MYO1E: variants seen among roughly 807,000 people sequenced by gnomAD.
MYO1E encodes myosin IE, also known as unconventional myosin-Ie.
MYO1E carries 68 observed loss-of-function variants against 151.1 expected under a neutral mutation model. That is an observed-to-expected ratio of 0.45 (90% confidence interval 0.37 to 0.55). The LOEUF (loss-of-function observed/expected upper bound fraction) is 0.55, where lower values mean the gene tolerates loss of function less well. Ranked by LOEUF, MYO1E falls within the 20% of genes least tolerant of loss-of-function variation. MYO1E has a pLI of 0.00. For missense variants in MYO1E, 1,363 were observed against 1,389.3 expected (o/e 0.98, Z 0.30); for synonymous variants, 601 against 501.7 (o/e 1.20, Z -2.64).
At chr15:59,180,681 C>A (rs1468973223) in intron 18 of MYO1E, among the ~76,000 whole-genome samples, 8 of 151,958 alleles carry the variant, frequency 5.3e-5, no homozygotes, top group African/African-American at 1.9e-4. Context: ...CCTGATACAT[C>A]CTCACCCCAT....
intron 1 of MYO1E, among the ~76,000 whole-genome samples, chr15:59,342,219 C>A (rs917291970): frequency 6.6e-6 from 1 of 152,144 alleles, no homozygotes; most frequent in Non-Finnish European, 1.5e-5. Flanking sequence ...ATTTTAAAAT[C>A]AGATTAGATT....
At chr15:59,154,919 C>T (rs2079501416) in intron 25 of MYO1E, among the ~76,000 whole-genome samples, 1 of 152,310 alleles carries the variant, frequency 6.6e-6, no homozygotes, top group Non-Finnish European at 1.5e-5. Flanking sequence ...GCTCCTCATC[C>T]AGCCATGTCT....
chr15:59,351,742 T>C (rs1445101541), intron 1 of MYO1E, among the ~76,000 whole-genome samples: 4 of 43,054 alleles, frequency 9.3e-5, no homozygotes, highest in Non-Finnish European at 2.0e-4. Flanking sequence ...TCACAGGACG[T>C]TGGAAATGGC....
At chr15:59,176,650 A>T (rs183033619) in intron 19 of MYO1E, among the ~76,000 whole-genome samples, 270 of 152,058 alleles carry the variant, frequency 1.8e-3, no homozygotes, top group African/African-American at 6.2e-3. Context: ...TTTGTAGAGA[A>T]GAGGTCTAAC....
rs2079947547 is a variant in MYO1E, at chr15:59,220,459, C to CA, written c.911-2373dup. Among the ~76,000 whole-genome samples the CA allele has an allele frequency of 2.0e-5, 3 of 152,230 alleles. No individual in the cohort carries two copies. In the East Asian group the frequency reaches 5.8e-4, roughly 29 times the overall value. ...GAAAGACTCTGTCTCAAAACAAAAA[C>CA]AAAAAACAAAATAAAACAAAAAAGC... On this transcript the variant is annotated intron_variant, in intron 9 of 27. Coordinates refer to ENST00000288235, the MANE Select transcript of MYO1E (RefSeq NM_004998.4).
At position 59,253,901 on chromosome 15, in the gene MYO1E, C is replaced by CTTTTTTTTTTTTTTTTTTTTTTTTTTTT. The variant is rs34819314; in HGVS notation, c.332+2382_332+2383insAAAAAAAAAAAAAAAAAAAAAAAAAAAA. Among the ~76,000 whole-genome samples the CTTTTTTTTTTTTTTTTTTTTTTTTTTTT allele has an allele frequency of 8.2e-4, 112 of 135,788 alleles. 4 individuals are homozygous for CTTTTTTTTTTTTTTTTTTTTTTTTTTTT. Among genetic ancestry groups the CTTTTTTTTTTTTTTTTTTTTTTTTTTTT allele is most frequent in the Middle Eastern group, 3.9e-3 (1 of 256 alleles). 89.1% of individuals were successfully genotyped at this position (135,788 alleles called of 152,430 possible). ...TAGTAAGATCTACAGGACAAACAAC[C>CTTTTTTTTTTTTTTTTTTTTTTTTTTTT]TTTTTTTTTTTTTTTTAACAAAGCC... On this transcript the variant is annotated intron_variant, in intron 4 of 27. Transcript: ENST00000288235.
chr15:59,236,961 G>A (rs1325309783), intron 4 of MYO1E, among the ~76,000 whole-genome samples: 17 of 152,104 alleles, frequency 1.1e-4, no homozygotes, highest in African/African-American at 4.1e-4. Flanking sequence ...ATATGATTAG[G>A]AAAATTATGG....
chr15:59,247,331 A>C (rs1376466022), intron 4 of MYO1E, among the ~76,000 whole-genome samples: 1 of 152,232 alleles, frequency 6.6e-6, no homozygotes, highest in South Asian at 2.1e-4. Flanking sequence ...TAGCTATTAC[A>C]TCTCCATTAA....
chr15:59,268,890 G>A (rs11638012), intron 2 of MYO1E, among the ~76,000 whole-genome samples: 306 of 151,658 alleles, frequency 2.0e-3, no homozygotes, highest in Admixed American at 4.1e-3. Context: ...GAGTGAGGCC[G>A]CCTGGAGTTA....
chr15:59,308,516 A>G (rs2080529610), intron 1 of MYO1E, among the ~76,000 whole-genome samples: 1 of 151,990 alleles, frequency 6.6e-6, no homozygotes, highest in Non-Finnish European at 1.5e-5. Context: ...TACTAAAAAT[A>G]CAAAAATTAG....
At chr15:59,346,468 T>C (rs1308796596) in intron 1 of MYO1E, among the ~76,000 whole-genome samples, 3 of 152,168 alleles carry the variant, frequency 2.0e-5, no homozygotes, top group African/African-American at 4.8e-5. Flanking sequence ...TCCCTCTATA[T>C]TCAGGTGAGG....
chr15:59,160,407 CTTT>C (rs1343796837), intron 24 of MYO1E, among the ~76,000 whole-genome samples: 1 of 135,208 alleles, frequency 7.4e-6, no homozygotes, highest in African/African-American at 2.7e-5. Context: ...TTTTCATCTT[CTTT>C]TTTTTAATGA....
At chr15:59,160,332 A>AGCGC (rs2079530380) in intron 24 of MYO1E, among the ~76,000 whole-genome samples, 1 of 117,112 alleles carries the variant, frequency 8.5e-6, no homozygotes, top group Non-Finnish European at 1.8e-5. Flanking sequence ...GGTTTGAGGT[A>AGCGC]GTGCGTGTGT....
chr15:59,286,993 G>A (rs1041212714), intron 1 of MYO1E, among the ~76,000 whole-genome samples: 5 of 152,110 alleles, frequency 3.3e-5, no homozygotes, highest in South Asian at 2.1e-4. Context: ...GATCAGTGTC[G>A]CCAAGGGTCC....
chr15:59,262,707 CA>C (rs1338976272), intron 2 of MYO1E, among the ~76,000 whole-genome samples: 1 of 152,034 alleles, frequency 6.6e-6, no homozygotes, highest in East Asian at 1.9e-4. Flanking sequence ...ATTATAAACC[CA>C]CCTACATCAG....
rs528596196 is a variant in MYO1E, at chr15:59,313,670, C to T, written c.4-41221G>A. Among the ~76,000 whole-genome samples the T allele has an allele frequency of 3.3e-5, 5 of 152,290 alleles. No individual in the cohort carries two copies. In the South Asian group the frequency reaches 8.3e-4, roughly 25 times the overall value. ...TTCCACCATTCCTGCCAAATGAAGG[C>T]TGGATTTATTTTGATTTGTGTTGGC... On this transcript the variant is annotated intron_variant, in intron 1 of 27. Transcript: ENST00000288235.
rs796277432 is a variant in MYO1E at position 59,180,544 on chromosome 15, CT to C, written c.1905-2008del. ...CCTACAAAATTAATGCTGCGTTTCT[CT>C]TTTTTTTTTTTTAATGGTAACGAAC... On this transcript the variant is annotated intron_variant, in intron 18 of 27. Coordinates refer to ENST00000288235, the MANE Select transcript of MYO1E (RefSeq NM_004998.4). 7.6e-3 allele frequency among the ~76,000 whole-genome samples: 1,090 copies of C among 143,722 alleles called. 7 individuals are homozygous for C. The highest frequency in any genetic ancestry group is 0.01 in the African/African-American group (404 of 39,172). The allele number at this position is 143,722 out of a possible 152,430, so 94.3% of individuals were successfully genotyped here.
At chr15:59,229,249 C>A (rs1483574944) in intron 6 of MYO1E, among the ~76,000 whole-genome samples, 3 of 152,194 alleles carry the variant, frequency 2.0e-5, no homozygotes, top group African/African-American at 7.2e-5. Flanking sequence ...ACCTTGGATG[C>A]CCCTTAGAAA....
chr15:59,327,633 C>T (rs1329876285), intron 1 of MYO1E, among the ~76,000 whole-genome samples: 1 of 152,088 alleles, frequency 6.6e-6, no homozygotes, highest in Non-Finnish European at 1.5e-5. Flanking sequence ...ACTTTTTAAA[C>T]ATCACTGTTA....
Sources: gnomAD v4.1 joint callset for allele counts (sites outside exome capture counted in the v4.1 genomes callset) on GRCh38, gnomAD v4.1.1 for gene constraint, MANE v1.5 for transcripts, NCBI Gene and HGNC (gene_info 2026-07-23, HGNC 2026-07-21) for gene names.